The following ARMC2 variants were observed in gnomAD, a reference collection of about 807,000 sequenced individuals.
ARMC2 encodes the protein armadillo repeat-containing protein 2.
In ARMC2, 67 loss-of-function variants were observed where a neutral mutation model predicts 90.3. That is an observed-to-expected ratio of 0.74 (90% CI 0.61 to 0.91). ARMC2 has a LOEUF of 0.91. ARMC2 is among the 40% of genes least tolerant of loss of function. The pLI is 0.00. For synonymous variants in ARMC2, 393 were observed against 393.0 expected, an observed-to-expected ratio of 1.00 and a Z score of 0.00; for missense variants, 920 against 1,030.9, an observed-to-expected ratio of 0.89 and a Z score of 1.47.
chr6:108,998,047 G>C, the ARMC2 span, among the ~76,000 whole-genome samples: 1 of 152,162 alleles, frequency 6.6e-6, no homozygotes, highest in Non-Finnish European at 1.5e-5. Context: ...ATTCTGAAGA[G>C]AGAAATTTCT....
chr6:108,939,328 T>C (rs2768555), intron 12 of ARMC2, among the ~76,000 whole-genome samples: 87,527 of 151,990 alleles, frequency 0.58, 25,841 homozygotes, highest in East Asian at 0.88. Flanking sequence ...TGTAATCCCC[T>C]GGATTGGAGG....
chr6:108,928,902 T>C (rs1353067217), intron 11 of ARMC2, among the ~76,000 whole-genome samples: 1 of 152,210 alleles, frequency 6.6e-6, no homozygotes, highest in Non-Finnish European at 1.5e-5. Flanking sequence ...TGTAAAGAAA[T>C]GCAAAATTTC....
the ARMC2 span, chr6:108,990,920 T>G: frequency 5.8e-6 from 7 of 1,208,582 alleles, no homozygotes; most frequent in Non-Finnish European, 8.0e-6. Context: ...GTAAAAATCA[T>G]TGTCATTTGG....
the ARMC2 span, chr6:108,994,696 A>AAC: frequency 6.4e-6 from 4 of 628,514 alleles, no homozygotes; most frequent in Non-Finnish European, 9.1e-6. Context: ...AAGAATTTAT[A>AAC]TCTTTTTTTT....
At chr6:108,930,281 A>G (rs1775426618) in intron 11 of ARMC2, among the ~76,000 whole-genome samples, 1 of 152,148 alleles carries the variant, frequency 6.6e-6, no homozygotes, top group African/African-American at 2.4e-5. Flanking sequence ...CTTGATGAAC[A>G]TTAGGACTAG....
chr6:108,857,942 G>A (rs1269740955), intron 2 of ARMC2, among the ~76,000 whole-genome samples: 2 of 152,122 alleles, frequency 1.3e-5, no homozygotes, highest in African/African-American at 4.8e-5. Context: ...TTTATAAAGT[G>A]ATATGAACAA....
At chr6:108,922,954 C>T (rs1201597668) in intron 10 of ARMC2, 1 of 152,190 alleles carries the variant, frequency 6.6e-6, no homozygotes, top group Non-Finnish European at 1.5e-5. Flanking sequence ...CTAACAATTG[C>T]TAATAAGCAA....
chr6:108,925,414 A>C (rs1346853069), intron 10 of ARMC2, among the ~76,000 whole-genome samples: 1 of 152,212 alleles, frequency 6.6e-6, no homozygotes, highest in Non-Finnish European at 1.5e-5. Flanking sequence ...CTGGATGTAC[A>C]ATGGTGAAAA....
intron 7 of ARMC2, among the ~76,000 whole-genome samples, chr6:108,903,503 A>G (rs1187216553): frequency 1.3e-5 from 2 of 152,212 alleles, no homozygotes; most frequent in Admixed American, 1.3e-4. Context: ...TTGTTCTCAT[A>G]GGAAAATACT....
chr6:108,867,204 A>G (rs1249374947), intron 3 of ARMC2, among the ~76,000 whole-genome samples: 1 of 152,226 alleles, frequency 6.6e-6, no homozygotes, highest in Non-Finnish European at 1.5e-5. Flanking sequence ...CTGTGCTGAC[A>G]TTGGAGGCAG....
At chr6:109,002,110 A>C in the ARMC2 span, among the ~76,000 whole-genome samples, 1 of 152,248 alleles carries the variant, frequency 6.6e-6, no homozygotes, top group Admixed American at 6.5e-5. Flanking sequence ...CAACACAAGT[A>C]CAACAGCTTT....
At chr6:108,990,850 T>C in the ARMC2 span, 1 of 1,607,038 alleles carries the variant, frequency 6.2e-7, no homozygotes, top group East Asian at 2.2e-5. Context: ...ATACAGGGAA[T>C]AGAACAAATG....
rs139443882 is a variant in ARMC2, at chr6:108,969,817, G to T, written c.2447-3540G>T. On this transcript the variant is annotated intron_variant, in intron 17 of 17. Transcript: ENST00000392644. ...AGCACTTTGGGAGGACGAGGTGGGA[G>T]AATCACTTGAGGCTAGGAGTTTGAG... is the stretch of plus-strand genomic sequence containing the variant. Among the ~76,000 whole-genome samples, 1,175 of 152,252 alleles carry T rather than the reference G, an allele frequency of 7.7e-3. 21 individuals are homozygous for T. Among genetic ancestry groups the T allele is most frequent in the African/African-American group, 0.027 (1,122 of 41,524 alleles).
At chr6:108,988,691 T>C in the ARMC2 span, 1 of 1,593,420 alleles carries the variant, frequency 6.3e-7, no homozygotes, top group East Asian at 2.2e-5. Flanking sequence ...ATCATATCTG[T>C]TGAAAGACAT....
At chr6:108,953,447 T>A in intron 13 of ARMC2, 96 bp downstream of exon 13, 1 of 1,268,068 alleles carries the variant, frequency 7.9e-7, no homozygotes, top group Non-Finnish European at 1.1e-6. Context: ...GATTTTATTA[T>A]CACAAGTGGC....
At chr6:108,988,384 A>G in the ARMC2 span, 3 of 557,630 alleles carry the variant, frequency 5.4e-6, no homozygotes, top group South Asian at 3.0e-5. Context: ...CAACATAATC[A>G]GGTTCCCTTC....
chr6:108,859,600 G>C (rs1209664183), intron 3 of ARMC2, among the ~76,000 whole-genome samples: 2 of 152,076 alleles, frequency 1.3e-5, no homozygotes, highest in Admixed American at 6.5e-5. Context: ...TTTCAATGTG[G>C]AATTTCATGC....
chr6:108,916,316 T>C (rs954833332), intron 10 of ARMC2, among the ~76,000 whole-genome samples: 4 of 152,214 alleles, frequency 2.6e-5, no homozygotes, highest in Admixed American at 2.6e-4. Flanking sequence ...TGTATCCAGA[T>C]AATAGTATTC....
chr6:108,964,766 G>C (rs1389499059), intron 16 of ARMC2, among the ~76,000 whole-genome samples: 1 of 151,722 alleles, frequency 6.6e-6, no homozygotes, highest in Non-Finnish European at 1.5e-5. Flanking sequence ...CTTCAGCCTG[G>C]GCAACAGAGT....
Sources: gnomAD v4.1 joint callset for allele counts (sites outside exome capture counted in the v4.1 genomes callset) on GRCh38, gnomAD v4.1.1 for gene constraint, MANE v1.5 for transcripts, NCBI Gene and HGNC (gene_info 2026-07-23, HGNC 2026-07-21) for gene names.